Variants in USP25 observed in about 807,000 individuals in gnomAD.
USP25 encodes the protein ubiquitin specific peptidase 25.
In USP25, 85 loss-of-function variants were observed where a neutral mutation model predicts 158.5. The observed-to-expected ratio is 0.54, with a 90% CI of 0.45 to 0.64. The LOEUF (loss-of-function observed/expected upper bound fraction) is 0.64, where lower values mean the gene tolerates loss of function less well. Among genes scored for constraint, USP25 ranks in the 30% least tolerant of loss-of-function variants. The probability of loss-of-function intolerance (pLI) is 0.00; values close to 1 mark genes in which losing one functional copy is unlikely to be tolerated. For missense variants in USP25, 1,242 were observed against 1,327.3 expected (o/e 0.94, Z 1.00); for synonymous variants, 464 against 460.4 (o/e 1.01, Z -0.10).
rs1482650398 is a variant in USP25 at position 15,874,544 on chromosome 21, A to G, written c.3009+18A>G. 2 of 1,571,598 alleles carry G rather than the reference A, an allele frequency of 1.3e-6. No homozygotes were observed. The highest frequency in any genetic ancestry group is 2.7e-5 in the African/African-American group (2 of 72,782). ...GTTTGCTAGTAAGTTGAATGCATAT[A>G]GTATGATCTTATCATTTTGTCTGAC... On this transcript the variant is annotated intron_variant, in intron 24 of 25. Transcript: ENST00000400183.
intron 4 of USP25, 57 bp downstream of exon 4, chr21:15,778,084 A>T (rs1369399627): frequency 1.2e-5 from 17 of 1,391,450 alleles, no homozygotes; most frequent in Non-Finnish European, 1.6e-5. Context: ...AGAAATCATT[A>T]ATTGGGTTAA....
At chr21:15,782,689 C>T (rs925425020) in intron 4 of USP25, among the ~76,000 whole-genome samples, 1 of 152,134 alleles carries the variant, frequency 6.6e-6, no homozygotes, top group African/African-American at 2.4e-5. Context: ...ACTGAGTCCA[C>T]CCTGAACCAA....
Position 15,849,725 on chromosome 21 carries a change from A to C in USP25, c.2452-52A>C. ...AAGAGTTTCAGCTTGCATGTGAATAAATTATTTTAGTTTAAAAACCTTTTT... is the reference window on the plus strand; with the variant it reads ...AAGAGTTTCAGCTTGCATGTGAATACATTATTTTAGTTTAAAAACCTTTTT... On this transcript the variant is annotated intron_variant, in intron 19 of 25. Coordinates refer to ENST00000400183, the MANE Select transcript of USP25 (RefSeq NM_001283041.3). The C allele has an allele frequency of 2.2e-6, 3 of 1,363,724 alleles. No homozygotes were observed. In the East Asian group the frequency reaches 7.6e-5, roughly 35 times the overall value. The allele number at this position is 1,363,724 out of a possible 1,614,324, so 84.5% of individuals were successfully genotyped here.
At chr21:15,730,580 T>A in intron 1 of USP25, 142 bp downstream of exon 1, 2 of 1,013,132 alleles carry the variant, frequency 2.0e-6, no homozygotes, top group Admixed American at 4.8e-5. Context: ...GCCCATCGCC[T>A]CGGGGGCGTC....
At chr21:15,779,153 C>T (rs533318176) in intron 4 of USP25, among the ~76,000 whole-genome samples, 61 of 151,678 alleles carry the variant, frequency 4.0e-4, no homozygotes, top group South Asian at 8.3e-4. Flanking sequence ...TAATTAAACT[C>T]TATTGTCCCC....
intron 20 of USP25, among the ~76,000 whole-genome samples, chr21:15,859,977 A>G (rs1601157015): frequency 1.4e-5 from 2 of 144,314 alleles, no homozygotes; most frequent in Non-Finnish European, 3.0e-5. Context: ...ATGTATATAT[A>G]TATATATATC....
intron 10 of USP25, among the ~76,000 whole-genome samples, chr21:15,821,960 A>C (rs1267651016): frequency 6.6e-6 from 1 of 151,880 alleles, no homozygotes; most frequent in East Asian, 1.9e-4. Context: ...GCCAATACTG[A>C]TTATGTAAGT....
Position 15,769,654 on chromosome 21 carries a change from A to G in USP25, c.268+3513A>G, listed in dbSNP as rs1335755222. 7.9e-5 allele frequency among the ~76,000 whole-genome samples: 12 copies of G among 152,246 alleles called. No homozygotes were observed. In the East Asian group the frequency reaches 2.3e-3, roughly 29 times the overall value. On this transcript the variant is annotated intron_variant, in intron 3 of 25. Transcript: ENST00000400183. ...TAATAGTCAGAGGAGAGATTCTGCC[A>G]AGTTTTTGTGTCACGGCAAACTCTG...
intron 18 of USP25, among the ~76,000 whole-genome samples, chr21:15,846,141 TATATATATATATA>T (rs2038584759): frequency 6.7e-5 from 4 of 59,366 alleles, no homozygotes; most frequent in African/African-American, 2.9e-4. Context: ...TATATATATA[TATATATATATATA>T]TATATTTTTT....
intron 7 of USP25, among the ~76,000 whole-genome samples, chr21:15,807,481 A>G (rs1332912426): frequency 1.3e-5 from 2 of 152,234 alleles, no homozygotes; most frequent in African/African-American, 4.8e-5. Flanking sequence ...GGTTAAAAAC[A>G]AAAGGTTATT....
chr21:15,783,645 G>A (rs924308179), intron 4 of USP25, among the ~76,000 whole-genome samples: 1 of 151,996 alleles, frequency 6.6e-6, no homozygotes, highest in African/African-American at 2.4e-5. Context: ...AATATATCCG[G>A]CAGTGCTATC....
At chr21:15,842,855 G>A (rs529606026) in intron 18 of USP25, among the ~76,000 whole-genome samples, 2 of 152,058 alleles carry the variant, frequency 1.3e-5, no homozygotes, top group Non-Finnish European at 2.9e-5. Flanking sequence ...TATTTCTCCT[G>A]TCTCTCACCC....
At chr21:15,877,652 G>A (rs2146620005) in intron 24 of USP25, 144 bp from the exon 25 acceptor site, 1 of 607,080 alleles carries the variant, frequency 1.6e-6, no homozygotes, top group Non-Finnish European at 2.8e-6. Flanking sequence ...TTCTAGATAG[G>A]TTGAGATTGT....
At chr21:15,760,132 T>G (rs2033641077) in intron 1 of USP25, among the ~76,000 whole-genome samples, 1 of 152,248 alleles carries the variant, frequency 6.6e-6, no homozygotes, top group Non-Finnish European at 1.5e-5. Context: ...ACAGCAGCCT[T>G]TGCCCACCCA....
chr21:15,804,051 T>C (rs1384648290), intron 6 of USP25, among the ~76,000 whole-genome samples: 1 of 152,008 alleles, frequency 6.6e-6, no homozygotes, highest in East Asian at 1.9e-4. Context: ...AACTAAATAT[T>C]ATAAGAATGG....
chr21:15,774,036 G>A (rs554729355), intron 3 of USP25, among the ~76,000 whole-genome samples: 1 of 152,238 alleles, frequency 6.6e-6, no homozygotes, highest in East Asian at 1.9e-4. Context: ...AAAGGGAGGA[G>A]TATTTTAACT....
chr21:15,739,093 C>T (rs1024583079), intron 1 of USP25, among the ~76,000 whole-genome samples: 9 of 152,160 alleles, frequency 5.9e-5, no homozygotes, highest in African/African-American at 1.4e-4. Flanking sequence ...TCCTTTAACT[C>T]GGTTCTGAGG....
intron 7 of USP25, chr21:15,805,717 A>G (rs1431524411): frequency 1.3e-5 from 2 of 152,282 alleles, no homozygotes; most frequent in Non-Finnish European, 2.9e-5. Flanking sequence ...TTAAAAGAAT[A>G]TTGGTAATTT....
chr21:15,748,956 G>A (rs1312889684), intron 1 of USP25, among the ~76,000 whole-genome samples: 1 of 151,790 alleles, frequency 6.6e-6, no homozygotes, highest in African/African-American at 2.4e-5. Context: ...ATTGTAGAGT[G>A]AGTGGTATTT....
Sources: gnomAD v4.1 joint callset for allele counts (sites outside exome capture counted in the v4.1 genomes callset) on GRCh38, gnomAD v4.1.1 for gene constraint, MANE v1.5 for transcripts, NCBI Gene and HGNC (gene_info 2026-07-23, HGNC 2026-07-21) for gene names.